The following MBNL1 variants were observed in gnomAD, a reference collection of about 807,000 sequenced individuals.
MBNL1 encodes muscleblind-like protein 1.
Under a neutral mutation model 42.2 loss-of-function variants are expected in MBNL1, and 8 were observed. The observed-to-expected ratio is 0.19, with a 90% CI of 0.11 to 0.34. The LOEUF (loss-of-function observed/expected upper bound fraction) is 0.34, where lower values mean the gene tolerates loss of function less well. MBNL1 is among the 10% of genes least tolerant of loss of function. The pLI, the probability that MBNL1 is intolerant of heterozygous loss-of-function variation, is 1.00. For missense variants in MBNL1, 309 were observed against 495.3 expected (o/e 0.62, Z 3.57); for synonymous variants, 169 against 173.9 (o/e 0.97, Z 0.22).
upstream of MBNL1, chr3:152,263,128 T>G (rs2036579663): frequency 6.6e-6 from 1 of 152,200 alleles, no homozygotes; most frequent in Non-Finnish European, 1.5e-5. Context: ...CATTACCTCA[T>G]GAAAAATGAA....
intron 2 of MBNL1, chr3:152,302,359 A>C (rs2061059132): frequency 6.6e-6 from 1 of 152,184 alleles, no homozygotes; most frequent in South Asian, 2.1e-4. Flanking sequence ...GAGGAAAAAA[A>C]AAACATGAAT....
chr3:152,416,989 G>GA (rs2098712643), intron 3 of MBNL1, among the ~76,000 whole-genome samples: 1 of 152,158 alleles, frequency 6.6e-6, no homozygotes, highest in African/African-American at 2.4e-5. Context: ...GACTAGATTT[G>GA]AATGTGGAAT....
Position 152,376,062 on chromosome 3 carries a change from T to C in MBNL1, c.175-38879T>C, listed in dbSNP as rs79410066. ...GGATAAATTTCTCCATTTTTCTTTA[T>C]ATATTTCTGCTCAGAACTCATACTG... On this transcript the variant is annotated intron_variant, in intron 2 of 9. Transcript: ENST00000324210. Among the ~76,000 whole-genome samples, 5 of 152,298 alleles carry C rather than the reference T, an allele frequency of 3.3e-5. No homozygotes were observed. The East Asian group carries it at 9.6e-4, about 29-fold the overall frequency.
At chr3:152,303,022 T>TAAG (rs1330033924) in intron 2 of MBNL1, among the ~76,000 whole-genome samples, 5 of 147,706 alleles carry the variant, frequency 3.4e-5, no homozygotes, top group Non-Finnish European at 1.5e-5. Context: ...TTTATTTCAT[T>TAAG]AAAAAAAAAA....
Position 152,251,678 on chromosome 3 carries a change from T to G in MBNL1, n.333+7238T>G, listed in dbSNP as rs114227293. ...ATGATTAGATTACGGTTATACACTT[T>G]CTGCTGGAGTTCCTCATAGGTGATG... On this transcript the variant is annotated intron_variant and non_coding_transcript_variant, in intron 2 of 2. Transcript: ENST00000477171. 6.0e-3 allele frequency among the ~76,000 whole-genome samples: 918 copies of G among 152,224 alleles called. 5 individuals are homozygous for G. Among genetic ancestry groups the G allele is most frequent in the Middle Eastern group, 0.031 (9 of 294 alleles).
intron 2 of MBNL1, among the ~76,000 whole-genome samples, chr3:152,385,146 A>G (rs186128580): frequency 6.6e-6 from 1 of 152,192 alleles, no homozygotes; most frequent in East Asian, 1.9e-4. Context: ...TTGAAAGACA[A>G]ATGGCTTAAG....
intron 2 of MBNL1, among the ~76,000 whole-genome samples, chr3:152,313,403 C>A (rs1002114818): frequency 2.6e-5 from 4 of 152,154 alleles, no homozygotes; most frequent in African/African-American, 9.7e-5. Context: ...GAGTTTGATA[C>A]CATAGTGACT....
At chr3:152,340,964 T>C (rs1341726321) in intron 2 of MBNL1, 25 of 1,502,710 alleles carry the variant, frequency 1.7e-5, no homozygotes, top group Middle Eastern at 4.5e-4. Flanking sequence ...TATACCACTT[T>C]CCTGAAGGTC....
chr3:152,302,408 C>CT (rs2061085929), intron 2 of MBNL1: 1 of 151,824 alleles, frequency 6.6e-6, no homozygotes, highest in South Asian at 2.1e-4. Flanking sequence ...ACAGTAGCTT[C>CT]TTAAATGTTA....
intron 2 of MBNL1, among the ~76,000 whole-genome samples, chr3:152,386,023 G>A (rs1420617556): frequency 6.6e-6 from 1 of 151,928 alleles, no homozygotes; most frequent in Non-Finnish European, 1.5e-5. Flanking sequence ...GAATGTCAAA[G>A]GATCCTTTGT....
At chr3:152,265,387 A>AGAGT (rs369008399), upstream of MBNL1, 28 of 145,294 alleles carry the variant, frequency 1.9e-4, no homozygotes, top group Middle Eastern at 3.5e-3. Context: ...TTTGTGTGAG[A>AGAGT]GTGTGTGTGT....
At chr3:152,409,860 T>C (rs905355872) in intron 2 of MBNL1, among the ~76,000 whole-genome samples, 5 of 152,170 alleles carry the variant, frequency 3.3e-5, no homozygotes, top group African/African-American at 1.2e-4. Flanking sequence ...GTAGAAGAAA[T>C]ATAATTAAAA....
chr3:152,338,787 G>T (rs577700111), intron 2 of MBNL1: 1 of 685,490 alleles, frequency 1.5e-6, no homozygotes, highest in South Asian at 6.6e-5. Flanking sequence ...CTCTGTGTTT[G>T]ATCAAACCAA....
chr3:152,269,577 C>A (rs748810837), intron 1 of MBNL1: 20 of 449,874 alleles, frequency 4.4e-5, no homozygotes, highest in Middle Eastern at 3.3e-4. Context: ...AAGGTTAATT[C>A]TCTGCTTGCT....
chr3:152,438,042 GTC>G (rs915045361), intron 4 of MBNL1, among the ~76,000 whole-genome samples: 9 of 152,168 alleles, frequency 5.9e-5, no homozygotes, highest in African/African-American at 1.9e-4. Context: ...AATCTGTAGA[GTC>G]TAGGAAAGAC....
Position 152,358,768 on chromosome 3 carries a change from C to CTAG in MBNL1, c.175-56171_175-56170insGTA, listed in dbSNP as rs1442949050. ...AATGTTGTGGACATTATTATTATTA[C>CTAG]TATTATTATTATTATTATTTTAATA... On this transcript the variant is annotated intron_variant, in intron 2 of 9. Transcript: ENST00000324210. 2.6e-5 allele frequency among the ~76,000 whole-genome samples: 4 copies of CTAG among 151,414 alleles called. No individual in the cohort carries two copies. The East Asian group carries it at 7.7e-4, about 29-fold the overall frequency.
At chr3:152,281,021 A>G (rs530012710) in intron 1 of MBNL1, among the ~76,000 whole-genome samples, 4 of 152,306 alleles carry the variant, frequency 2.6e-5, no homozygotes, top group South Asian at 2.1e-4. Flanking sequence ...AGGTCCATTC[A>G]TAAGTGAAAT....
At chr3:152,335,586 A>G (rs1402903659) in intron 2 of MBNL1, among the ~76,000 whole-genome samples, 1 of 152,126 alleles carries the variant, frequency 6.6e-6, no homozygotes, top group African/African-American at 2.4e-5. Context: ...GTGGTATATG[A>G]AAGCAGTTGT....
chr3:152,413,420 G>A (rs2098635085), intron 2 of MBNL1, among the ~76,000 whole-genome samples: 1 of 152,158 alleles, frequency 6.6e-6, no homozygotes, highest in Non-Finnish European at 1.5e-5. Flanking sequence ...CATTTGATGA[G>A]TAAGAGAGCT....
Sources: gnomAD v4.1 joint callset for allele counts (sites outside exome capture counted in the v4.1 genomes callset) on GRCh38, gnomAD v4.1.1 for gene constraint, MANE v1.5 for transcripts, NCBI Gene and HGNC (gene_info 2026-07-23, HGNC 2026-07-21) for gene names.